ELMO1: variants seen among roughly 807,000 people sequenced by gnomAD.
The protein encoded by ELMO1 is engulfment and cell motility 1, also known as engulfment and cell motility protein 1.
A neutral mutation model predicts 98.9 loss-of-function variants in ELMO1; 26 were observed. The ratio of observed to expected loss-of-function variants is 0.26; its 90% confidence interval spans 0.19 to 0.36. The LOEUF (loss-of-function observed/expected upper bound fraction) is 0.36, where lower values mean the gene tolerates loss of function less well. Among genes scored for constraint, ELMO1 ranks in the 10% least tolerant of loss-of-function variants. The pLI is 1.00. For synonymous variants in ELMO1, 346 were observed against 346.0 expected, an observed-to-expected ratio of 1.00 and a Z score of 0.00; for missense variants, 627 against 935.2, an observed-to-expected ratio of 0.67 and a Z score of 4.30.
intron 13 of ELMO1, 90 bp downstream of exon 13, chr7:37,211,296 C>G: frequency 3.2e-6 from 5 of 1,582,892 alleles, no homozygotes; most frequent in Non-Finnish European, 4.3e-6. Flanking sequence ...CGCAAGAGGA[C>G]CACACGCTCG....
chr7:37,354,157 A>C (rs1801399950), intron 1 of ELMO1, among the ~76,000 whole-genome samples: 1 of 152,230 alleles, frequency 6.6e-6, no homozygotes, highest in Non-Finnish European at 1.5e-5. Context: ...CTCTGAGGGT[A>C]GGACTCATAT....
intron 19 of ELMO1, among the ~76,000 whole-genome samples, chr7:36,876,359 G>T (rs1803971920): frequency 6.6e-6 from 1 of 150,974 alleles, no homozygotes; most frequent in African/African-American, 2.4e-5. Context: ...TTATGAAAGG[G>T]TTGTGATATT....
Position 36,887,595 on chromosome 7 carries a change from G to T in ELMO1, c.1679C>A (p.Thr560Asn). Reference sequence around the variant, plus strand: ...CCGGGCATTGAGTTTCCTAAAGCAGGTCCCTTCCACAAGGCGGTTCAGGCG... The same window carrying T: ...CCGGGCATTGAGTTTCCTAAAGCAGTTCCCTTCCACAAGGCGGTTCAGGCG... ...QQRLNRLVEG[T>N]CFRKLNARRR... Residue 560 changes from threonine to asparagine, a missense_variant, in exon 18 of 22, where the codon ACC becomes AAC. Coordinates refer to ENST00000310758, the MANE Select transcript of ELMO1 (RefSeq NM_014800.11). 6.2e-7 allele frequency: 1 copy of T among 1,614,052 alleles called. No homozygotes were observed. The highest frequency in any genetic ancestry group is 8.5e-7 in the Non-Finnish European group (1 of 1,179,946).
chr7:37,278,106 G>A (rs1796942793), intron 4 of ELMO1, among the ~76,000 whole-genome samples: 1 of 123,514 alleles, frequency 8.1e-6, no homozygotes, highest in Non-Finnish European at 1.7e-5. Flanking sequence ...TTCTGTGATA[G>A]CTTTTCCTTT....
chr7:36,891,298 AC>A (rs2129053160), intron 17 of ELMO1, among the ~76,000 whole-genome samples: 1 of 152,296 alleles, frequency 6.6e-6, no homozygotes, highest in South Asian at 2.1e-4. Context: ...CGTGGCAGGC[AC>A]TCATTAGATA....
At chr7:37,385,499 G>T (rs1399191508) in intron 1 of ELMO1, among the ~76,000 whole-genome samples, 1 of 152,154 alleles carries the variant, frequency 6.6e-6, no homozygotes, top group Non-Finnish European at 1.5e-5. Context: ...GAGTGATTTG[G>T]CTCCTATCTA....
At chr7:37,297,612 A>T (rs1798103357) in intron 4 of ELMO1, among the ~76,000 whole-genome samples, 1 of 151,264 alleles carries the variant, frequency 6.6e-6, no homozygotes, top group Non-Finnish European at 1.5e-5. Flanking sequence ...ACTGCTTGAA[A>T]AAAAAAAAAG....
intron 13 of ELMO1, among the ~76,000 whole-genome samples, chr7:37,173,346 A>T (rs974720225): frequency 2.0e-5 from 3 of 151,978 alleles, no homozygotes; most frequent in African/African-American, 7.2e-5. Context: ...TCCAAGAAAA[A>T]GGACCATTGA....
intron 15 of ELMO1, among the ~76,000 whole-genome samples, chr7:37,061,081 C>T (rs979686061): frequency 6.6e-6 from 1 of 152,224 alleles, no homozygotes; most frequent in African/African-American, 2.4e-5. Flanking sequence ...TTGGCATAAA[C>T]TGTTTTACCT....
chr7:36,906,719 C>A (rs1783990872), intron 16 of ELMO1, among the ~76,000 whole-genome samples: 1 of 151,694 alleles, frequency 6.6e-6, no homozygotes, highest in Non-Finnish European at 1.5e-5. Context: ...TGAGCCCAGG[C>A]TGCAAGTGAA....
At chr7:37,147,599 T>C (rs1017099154) in intron 13 of ELMO1, among the ~76,000 whole-genome samples, 1 of 152,090 alleles carries the variant, frequency 6.6e-6, no homozygotes, top group African/African-American at 2.4e-5. Context: ...CCAAGAGGAG[T>C]CAACTTCATG....
intron 2 of ELMO1, among the ~76,000 whole-genome samples, chr7:37,328,858 C>T (rs997550867): frequency 6.6e-6 from 1 of 152,134 alleles, no homozygotes; most frequent in South Asian, 2.1e-4. Context: ...CCTTTCATAA[C>T]CTCAAACTCA....
chr7:37,235,688 T>C (rs1396290344), intron 7 of ELMO1, among the ~76,000 whole-genome samples: 1 of 152,218 alleles, frequency 6.6e-6, no homozygotes, highest in Non-Finnish European at 1.5e-5. Context: ...ATCCCAGCAC[T>C]CTGGGAGGCT....
chr7:37,326,438 C>T (rs1012663094), intron 2 of ELMO1, among the ~76,000 whole-genome samples: 2 of 151,668 alleles, frequency 1.3e-5, no homozygotes, highest in African/African-American at 4.9e-5. Flanking sequence ...GCCTGTAATC[C>T]CAGCTACCCA....
intron 19 of ELMO1, among the ~76,000 whole-genome samples, chr7:36,871,863 C>G (rs188648716): frequency 6.6e-6 from 1 of 152,200 alleles, no homozygotes. Flanking sequence ...TTCCAGGTAC[C>G]CTAAAATTAC....
chr7:36,912,143 T>G (rs996953998), intron 16 of ELMO1, among the ~76,000 whole-genome samples: 2 of 152,234 alleles, frequency 1.3e-5, no homozygotes, highest in Non-Finnish European at 2.9e-5. Flanking sequence ...TTGCTGGCAT[T>G]TATTTAAAGT....
At chr7:37,073,424 G>A (rs1409927375) in intron 15 of ELMO1, among the ~76,000 whole-genome samples, 1 of 152,156 alleles carries the variant, frequency 6.6e-6, no homozygotes, top group Non-Finnish European at 1.5e-5. Context: ...GAGGCTAAAA[G>A]GGAACACATC....
intron 14 of ELMO1, among the ~76,000 whole-genome samples, chr7:37,113,568 G>C (rs1785380948): frequency 6.6e-6 from 1 of 152,158 alleles, no homozygotes; most frequent in African/African-American, 2.4e-5. Context: ...TCCTAGGAGA[G>C]AAAGCAAAAA....
chr7:37,112,440 G>T (rs922998875), intron 14 of ELMO1, among the ~76,000 whole-genome samples: 1 of 152,142 alleles, frequency 6.6e-6, no homozygotes, highest in African/African-American at 2.4e-5. Context: ...GAGCCCTGTG[G>T]CATAGGAGCA....
Sources: allele counts gnomAD v4.1 joint callset (sites outside exome capture counted in the v4.1 genomes callset), GRCh38; gene constraint gnomAD v4.1.1; transcripts MANE v1.5; gene names NCBI Gene and HGNC (gene_info 2026-07-23, HGNC 2026-07-21).